TRABD2A: variants seen among roughly 807,000 people sequenced by gnomAD.
TRABD2A encodes metalloprotease TIKI1.
Under a neutral mutation model 45.6 loss-of-function variants are expected in TRABD2A, and 43 were observed. The observed-to-expected ratio is 0.94, with a 90% CI of 0.74 to 1.22. The LOEUF (loss-of-function observed/expected upper bound fraction) is 1.22. TRABD2A is among the 50% of genes most tolerant of loss of function. The pLI is 0.00. For missense variants in TRABD2A, 642 were observed against 652.4 expected (o/e 0.98, Z 0.17); for synonymous variants, 269 against 265.0 (o/e 1.02, Z -0.15).
In TRABD2A at chr2:84,848,371, TAGATAGACAGAC is replaced by T. The variant is rs1361727052; in HGVS notation, c.670-6376_670-6365del. On this transcript the variant is annotated intron_variant, in intron 2 of 6. Coordinates refer to ENST00000409520, the MANE Select transcript of TRABD2A (RefSeq NM_001277053.2). The stretch of plus-strand genomic sequence containing the variant: ...ATAGATAGATAGATAGATAGATAGA[TAGATAGACAGAC>T]AGACAGACAGACAGACAGACAGACA... Among the ~76,000 whole-genome samples the T allele has an allele frequency of 2.9e-3, 310 of 107,542 alleles. 2 individuals carry two copies. Among genetic ancestry groups the T allele is most frequent in the East Asian group, 0.025 (109 of 4,398 alleles). The allele number at this position is 107,542 out of a possible 152,430, so 70.6% of individuals were successfully genotyped here. A position where few individuals can be genotyped will look rare whatever the true frequency, so the allele number is the denominator to read the frequency against.
chr2:84,861,324 G>A (rs1207538963), intron 2 of TRABD2A, among the ~76,000 whole-genome samples: 1 of 152,122 alleles, frequency 6.6e-6, no homozygotes, highest in Admixed American at 6.5e-5. Flanking sequence ...AGAATCCGTA[G>A]GAGCCCTGAG....
intron 2 of TRABD2A, among the ~76,000 whole-genome samples, chr2:84,863,465 C>T (rs1682568634): frequency 6.6e-6 from 1 of 151,150 alleles, no homozygotes; most frequent in Non-Finnish European, 1.5e-5. Flanking sequence ...ATTTCCTGAC[C>T]TCGTGATCCG....
chr2:84,824,766 A>G (rs918687367), intron 5 of TRABD2A, among the ~76,000 whole-genome samples: 1 of 152,090 alleles, frequency 6.6e-6, no homozygotes, highest in South Asian at 2.1e-4. Context: ...GCTTAAAACC[A>G]CTGAAGTAGC....
chr2:84,853,439 G>A (rs4831985), intron 2 of TRABD2A, among the ~76,000 whole-genome samples: 23,732 of 152,090 alleles, frequency 0.16, 2,093 homozygotes, highest in Non-Finnish European at 0.2. Context: ...AGCCCCTTAT[G>A]AAACTATCAG....
chr2:84,838,826 G>A (rs11126978), intron 4 of TRABD2A, among the ~76,000 whole-genome samples: 24,834 of 152,204 alleles, frequency 0.16, 2,005 homozygotes, highest in Middle Eastern at 0.21. Context: ...TGTAGTGAAA[G>A]TTTACAAAGT....
chr2:84,853,674 AG>A (rs2105392886), intron 2 of TRABD2A, among the ~76,000 whole-genome samples: 1 of 152,360 alleles, frequency 6.6e-6, no homozygotes, highest in Admixed American at 6.5e-5. Flanking sequence ...AGAAGCTGGA[AG>A]GGGGGATTCT....
chr2:84,825,954 C>T (rs72926820), intron 5 of TRABD2A, among the ~76,000 whole-genome samples: 3,126 of 152,198 alleles, frequency 0.021, 85 homozygotes, highest in African/African-American at 0.067. Flanking sequence ...ACCATCCCCC[C>T]CTCCCCGATC....
chr2:84,846,490 G>A (rs1681901592), intron 2 of TRABD2A, among the ~76,000 whole-genome samples: 1 of 152,210 alleles, frequency 6.6e-6, no homozygotes, highest in African/African-American at 2.4e-5. Context: ...GGTAGAAGGG[G>A]CTGGATTTCC....
Position 84,832,116 on chromosome 2 carries a change from C to G in TRABD2A, c.1021G>C (p.Asp341His). The G allele has an allele frequency of 6.2e-7, 1 of 1,614,002 alleles. No individual in the cohort carries two copies. The highest frequency in any genetic ancestry group is 8.5e-7 in the Non-Finnish European group (1 of 1,179,900). Reference protein sequence around the residue: ...GHFMGNNTVLDVLRREGYEVE... With the variant: ...GHFMGNNTVLHVLRREGYEVE... ...TCATAGCCTTCACGCCGCAAAACAT[C>G]CAGCACTGTGTTGTTGCCCATGAAA... is the stretch of plus-strand genomic sequence containing the variant. Residue 341 changes from aspartate (D) to histidine (H), a missense_variant, in exon 5 of 7, where the codon GAT (aspartate) becomes CAT (histidine). Physicochemically the swap from Asp to His is moderately conservative, Grantham distance 81. Coordinates refer to ENST00000409520, the MANE Select transcript of TRABD2A (RefSeq NM_001277053.2).
intron 4 of TRABD2A, chr2:84,833,896 C>CTGTTCGGTGGGTGGGCCTGTT (rs1681418302): frequency 6.6e-6 from 1 of 152,366 alleles, no homozygotes; most frequent in African/African-American, 2.4e-5. Flanking sequence ...TGGCAGAACC[C>CTGTTCGGTGGGTGGGCCTGTT]CCACCACGAG....
Position 84,870,549 on chromosome 2 carries a change from G to T in TRABD2A, c.345C>A (p.Leu115=). 1 of 1,613,954 alleles carries T rather than the reference G, an allele frequency of 6.2e-7. No individual in the cohort carries two copies. Reference sequence around the variant, plus strand: ...TGAGGCGGCAGTAGATGTCCCTGGGGAGCACATCTTGGAGGTTCTCGCCCT... The same window carrying T: ...TGAGGCGGCAGTAGATGTCCCTGGGTAGCACATCTTGGAGGTTCTCGCCCT... ...LPQGENLQDV[L]PRDIYCRLKR... The change falls in exon 2 of 7, where the codon CTC becomes CTA. Residue 115 remains leucine, a synonymous_variant. Transcript: ENST00000409520.
chr2:84,827,199 C>G (rs1681175030), intron 5 of TRABD2A, among the ~76,000 whole-genome samples: 1 of 152,202 alleles, frequency 6.6e-6, no homozygotes, highest in African/African-American at 2.4e-5. Context: ...GTCATTTTGG[C>G]TACAATATAG....
chr2:84,848,476 CAATA>C (rs1229649669), intron 2 of TRABD2A, among the ~76,000 whole-genome samples: 1 of 144,238 alleles, frequency 6.9e-6, no homozygotes, highest in Admixed American at 7.0e-5. Flanking sequence ...AGGCTTTAGT[CAATA>C]AAAGCCTTTC....
intron 2 of TRABD2A, among the ~76,000 whole-genome samples, chr2:84,849,102 G>GGTGCA (rs10649879): frequency 0.25 from 37,925 of 151,692 alleles, 5,048 homozygotes; most frequent in African/African-American, 0.34. Context: ...AAGCAGTTTA[G>GGTGCA]GAAACCCCTT....
chr2:84,832,259 T>G lies in TRABD2A; in HGVS notation c.992-114A>C. 3 of 1,044,126 alleles carry G rather than the reference T, an allele frequency of 2.9e-6. No homozygotes were observed. In the African/African-American group the frequency reaches 4.7e-5, roughly 16 times the overall value. 64.7% of individuals were successfully genotyped at this position (1,044,126 alleles called of 1,614,324 possible). On this transcript the variant is annotated intron_variant, in intron 4 of 6. Coordinates refer to ENST00000409520, the MANE Select transcript of TRABD2A (RefSeq NM_001277053.2). ...CCCTGCCAAGCCCCCTGCCTATCTG[T>G]CCAGCACAGTACAGTTCTAGAGAGC...
At chr2:84,827,804 G>A (rs56322640) in intron 5 of TRABD2A, among the ~76,000 whole-genome samples, 2,761 of 152,268 alleles carry the variant, frequency 0.018, 84 homozygotes, top group African/African-American at 0.064. Context: ...TGGTTATAGA[G>A]ATGCAATATT....
chr2:84,841,786 T>C lies in TRABD2A; in HGVS notation c.816+75A>G, dbSNP rs1048253018. The C allele has an allele frequency of 9.2e-6, 13 of 1,414,998 alleles. No individual in the cohort carries two copies. In the African/African-American group the frequency reaches 1.6e-4, roughly 17 times the overall value. The allele number at this position is 1,414,998 out of a possible 1,614,324, so 87.7% of individuals were successfully genotyped here. A position where few individuals can be genotyped will look rare whatever the true frequency, so the allele number is the denominator to read the frequency against. On this transcript the variant is annotated intron_variant, in intron 3 of 6. Transcript: ENST00000409520. Reference sequence around the variant, plus strand: ...ACCTCAATCCTTTGTACACAGGATGTACATGTTGCCAGGTAATGTTTTTAT... The same window carrying C: ...ACCTCAATCCTTTGTACACAGGATGCACATGTTGCCAGGTAATGTTTTTAT...
chr2:84,821,803 C>T lies in TRABD2A; in HGVS notation c.*114G>A, dbSNP rs750468538. ...AAGAATCAACACTGGGCCGCTTTTT[C>T]AAGAGCAGTCTCTTCTGGATTGGGC... On this transcript the variant is annotated 3_prime_UTR_variant, in exon 7 of 7. Coordinates refer to ENST00000409520, the MANE Select transcript of TRABD2A (RefSeq NM_001277053.2). 28 of 1,173,720 alleles carry T rather than the reference C, an allele frequency of 2.4e-5. No homozygotes were observed. The highest frequency in any genetic ancestry group is 2.9e-5 in the Non-Finnish European group (26 of 891,924). 72.7% of individuals were successfully genotyped at this position (1,173,720 alleles called of 1,614,324 possible). A position where few individuals can be genotyped will look rare whatever the true frequency, so the allele number is the denominator to read the frequency against.
chr2:84,856,193 A>G (rs1248752949), intron 2 of TRABD2A, among the ~76,000 whole-genome samples: 1 of 151,782 alleles, frequency 6.6e-6, no homozygotes, highest in Admixed American at 6.6e-5. Context: ...TCACCCAGAT[A>G]ATTTTTTAAG....
Sources: gnomAD v4.1 joint callset for allele counts (sites outside exome capture counted in the v4.1 genomes callset) on GRCh38, gnomAD v4.1.1 for gene constraint, MANE v1.5 for transcripts, NCBI Gene and HGNC (gene_info 2026-07-23, HGNC 2026-07-21) for gene names.